Variants in SH3GL3 observed in about 807,000 individuals in gnomAD.
SH3GL3 encodes endophilin-A3.
SH3GL3 carries 33 observed loss-of-function variants against 47.7 expected under a neutral mutation model. The observed-to-expected ratio is 0.69, with a 90% CI of 0.52 to 0.92. The LOEUF is 0.92. Ranked by LOEUF, SH3GL3 falls within the 40% of genes least tolerant of loss-of-function variation. The pLI is 0.00. For synonymous variants in SH3GL3, 155 were observed against 148.8 expected (o/e 1.04, Z -0.30); for missense variants, 363 against 417.8 (o/e 0.87, Z 1.14).
At chr15:83,483,154 A>G (rs17158925) in intron 1 of SH3GL3, among the ~76,000 whole-genome samples, 26,644 of 152,158 alleles carry the variant, frequency 0.18, 2,832 homozygotes, top group South Asian at 0.45. Context: ...AAGTGGCTCT[A>G]GTGTGTCTAG....
chr15:83,487,882 T>TTC (rs1452079313), intron 1 of SH3GL3, among the ~76,000 whole-genome samples: 1 of 150,976 alleles, frequency 6.6e-6, no homozygotes, highest in Non-Finnish European at 1.5e-5. Context: ...TCTTTTCTTT[T>TTC]TTTTTTTTTC....
At chr15:83,572,794 T>A in intron 5 of SH3GL3, 96 bp downstream of exon 5, 2 of 856,826 alleles carry the variant, frequency 2.3e-6, no homozygotes, top group Non-Finnish European at 3.6e-6. Context: ...AAGCATCATC[T>A]TATGATGCTT....
intron 7 of SH3GL3, among the ~76,000 whole-genome samples, chr15:83,587,982 G>A (rs552054873): frequency 6.6e-6 from 1 of 152,212 alleles, no homozygotes; most frequent in African/African-American, 2.4e-5. Context: ...TGACAGGAGT[G>A]TATTTTCATA....
At chr15:83,526,153 T>C (rs1046528349) in intron 1 of SH3GL3, among the ~76,000 whole-genome samples, 8 of 152,146 alleles carry the variant, frequency 5.3e-5, no homozygotes, top group Admixed American at 3.3e-4. Flanking sequence ...CTGGCTATTA[T>C]TAAAAAGTCA....
At chr15:83,534,655 A>G (rs1449880541) in intron 1 of SH3GL3, among the ~76,000 whole-genome samples, 1 of 152,236 alleles carries the variant, frequency 6.6e-6, no homozygotes, top group Non-Finnish European at 1.5e-5. Context: ...TAAAAACAAA[A>G]CATTCAGAAA....
chr15:83,613,619 A>AAATC (rs1188461037), intron 8 of SH3GL3, among the ~76,000 whole-genome samples: 69 of 134,294 alleles, frequency 5.1e-4, no homozygotes, highest in African/African-American at 1.9e-3. Flanking sequence ...GGAAATATAT[A>AAATC]AATCTATCTA....
the SH3GL3 span, among the ~76,000 whole-genome samples, chr15:83,628,980 A>G: frequency 6.6e-6 from 1 of 152,188 alleles, no homozygotes; most frequent in Non-Finnish European, 1.5e-5. Flanking sequence ...TATTAAAACT[A>G]TAAAAAGCAG....
chr15:83,499,201 G>A (rs1209463685), intron 1 of SH3GL3, among the ~76,000 whole-genome samples: 1 of 151,778 alleles, frequency 6.6e-6, no homozygotes, highest in Non-Finnish European at 1.5e-5. Context: ...GTTTTTTAAT[G>A]TCTAAGGCCT....
At chr15:83,518,520 G>A (rs1261966624) in intron 1 of SH3GL3, among the ~76,000 whole-genome samples, 2 of 151,970 alleles carry the variant, frequency 1.3e-5, no homozygotes, top group East Asian at 3.9e-4. Context: ...GCATGTTTTT[G>A]GTTGCTTGTA....
chr15:83,516,389 A>G (rs998790903), intron 1 of SH3GL3, among the ~76,000 whole-genome samples: 2 of 152,132 alleles, frequency 1.3e-5, no homozygotes, highest in Non-Finnish European at 2.9e-5. Flanking sequence ...GCTTTTATCT[A>G]TAGTTTTACA....
At chr15:83,492,098 C>A (rs974471760) in intron 1 of SH3GL3, among the ~76,000 whole-genome samples, 2 of 152,040 alleles carry the variant, frequency 1.3e-5, no homozygotes, top group Non-Finnish European at 1.5e-5. Context: ...TCCTGGCCAA[C>A]ATGGTGAAAC....
intron 2 of SH3GL3, among the ~76,000 whole-genome samples, chr15:83,563,606 A>G (rs746178250): frequency 2.0e-5 from 3 of 151,992 alleles, no homozygotes; most frequent in Admixed American, 6.6e-5. Flanking sequence ...TATTTTTTTC[A>G]AATCTTTGTA....
At chr15:83,541,741 T>G (rs1240306262) in intron 1 of SH3GL3, among the ~76,000 whole-genome samples, 2 of 152,210 alleles carry the variant, frequency 1.3e-5, no homozygotes, top group African/African-American at 4.8e-5. Flanking sequence ...TTCATATACC[T>G]GCTAGCCATT....
chr15:83,477,874 G>A (rs1196567661), intron 1 of SH3GL3, among the ~76,000 whole-genome samples: 1 of 152,070 alleles, frequency 6.6e-6, no homozygotes, highest in Non-Finnish European at 1.5e-5. Flanking sequence ...TAGATTTTGC[G>A]GGAACAAATA....
At chr15:83,582,567 C>T (rs139420410) in intron 6 of SH3GL3, among the ~76,000 whole-genome samples, 55 of 152,302 alleles carry the variant, frequency 3.6e-4, no homozygotes, top group African/African-American at 1.2e-3. Flanking sequence ...AGATTAATCT[C>T]TAAGCGGTTC....
At chr15:83,627,492 C>A in the SH3GL3 span, among the ~76,000 whole-genome samples, 2 of 151,934 alleles carry the variant, frequency 1.3e-5, no homozygotes, top group African/African-American at 4.8e-5. Flanking sequence ...TAGGGTGACC[C>A]AAAAACTATT....
intron 3 of SH3GL3, among the ~76,000 whole-genome samples, chr15:83,566,425 C>G (rs1341578773): frequency 6.9e-6 from 1 of 145,552 alleles, no homozygotes; most frequent in African/African-American, 2.5e-5. Context: ...GAGAGTGAAG[C>G]CTTTGGGCTT....
chr15:83,504,063 TA>T (rs2042392929), intron 1 of SH3GL3, among the ~76,000 whole-genome samples: 2 of 152,376 alleles, frequency 1.3e-5, no homozygotes, highest in South Asian at 4.1e-4. Context: ...GAACTCTTTA[TA>T]CATTTTACAT....
At chr15:83,521,289 T>C (rs542053808) in intron 1 of SH3GL3, among the ~76,000 whole-genome samples, 4 of 152,314 alleles carry the variant, frequency 2.6e-5, no homozygotes, top group Non-Finnish European at 5.9e-5. Flanking sequence ...GCTAAGTATT[T>C]CACATGGAAG....
Sources: gnomAD v4.1 joint callset for allele counts (sites outside exome capture counted in the v4.1 genomes callset) on GRCh38, gnomAD v4.1.1 for gene constraint, MANE v1.5 for transcripts, NCBI Gene and HGNC (gene_info 2026-07-23, HGNC 2026-07-21) for gene names.